ATXN8OS: variants seen among roughly 807,000 people sequenced by gnomAD.
ATXN8OS encodes ATXN8 opposite strand (non-protein coding).
At chr13:70,140,533 C>A (rs78463336) in intron 3 of ATXN8OS, among the ~76,000 whole-genome samples, 2,661 of 132,702 alleles carry the variant, frequency 0.02, 48 homozygotes, top group African/African-American at 0.042. Flanking sequence ...CACACACACA[C>A]AAAAAAAAAA....
intron 4 of ATXN8OS, among the ~76,000 whole-genome samples, chr13:70,151,759 A>T (rs904412113): frequency 6.6e-6 from 1 of 152,122 alleles, no homozygotes; most frequent in Non-Finnish European, 1.5e-5. Context: ...ATTTAACTTT[A>T]TATATGTTTT....
chr13:70,129,093 C>G (rs1470250211), intron 2 of ATXN8OS, among the ~76,000 whole-genome samples: 2 of 152,126 alleles, frequency 1.3e-5, no homozygotes, highest in Non-Finnish European at 2.9e-5. Context: ...CTCCTGACCT[C>G]AGACGATCCA....
rs147476089 is a variant in ATXN8OS, at chr13:70,159,001, A to C, written n.574-10752A>C. ...TTTACTTTGTAATTATTATGAATTT[A>C]CATGTATTTTATCATGTATATCATA... On this transcript the variant is annotated intron_variant and non_coding_transcript_variant, in intron 4 of 4. Transcript: ENST00000678624. 8.1e-3 allele frequency among the ~76,000 whole-genome samples: 1,233 copies of C among 152,288 alleles called. 15 individuals are homozygous for C. Among genetic ancestry groups the C allele is most frequent in the African/African-American group, 0.027 (1,112 of 41,564 alleles).
intron 2 of ATXN8OS, among the ~76,000 whole-genome samples, chr13:70,122,999 C>A (rs190418901): frequency 2.6e-4 from 40 of 151,978 alleles, no homozygotes; most frequent in African/African-American, 8.2e-4. Flanking sequence ...ACTTCACAAG[C>A]TTTTGTGGAA....
chr13:70,110,078 A>G (rs1053317457), intron 1 of ATXN8OS, among the ~76,000 whole-genome samples: 2 of 152,172 alleles, frequency 1.3e-5, no homozygotes, highest in Admixed American at 1.3e-4. Context: ...AATATTCCAC[A>G]GTTAAAAGTT....
In ATXN8OS at chr13:70,137,128, A is replaced by G. The variant is rs113831307; in HGVS notation, n.499+7244A>G. 4.1e-4 allele frequency among the ~76,000 whole-genome samples: 62 copies of G among 152,344 alleles called. 1 individual carries two copies. The highest frequency in any genetic ancestry group is 1.4e-3 in the African/African-American group (60 of 41,582). On this transcript the variant is annotated intron_variant and non_coding_transcript_variant, in intron 3 of 4. Transcript: ENST00000678624. The stretch of plus-strand genomic sequence containing the variant: ...TTAGAATATCCAGAACTTTTCTTAC[A>G]TAATAGCCTATAAACTTCAGTATAA...
intron 4 of ATXN8OS, among the ~76,000 whole-genome samples, chr13:70,159,901 T>A (rs1888983065): frequency 6.6e-6 from 1 of 152,232 alleles, no homozygotes; most frequent in African/African-American, 2.4e-5. Flanking sequence ...ATTGAATGTG[T>A]ATGTACAGTG....
intron 3 of ATXN8OS, among the ~76,000 whole-genome samples, chr13:70,134,051 T>C (rs1319974302): frequency 3.3e-5 from 5 of 152,200 alleles, no homozygotes; most frequent in Non-Finnish European, 7.3e-5. Flanking sequence ...TTTTATTTTT[T>C]ATTTTTTGTC....
chr13:70,108,900 G>A (rs892277806), intron 1 of ATXN8OS, among the ~76,000 whole-genome samples: 5 of 152,190 alleles, frequency 3.3e-5, no homozygotes, highest in Non-Finnish European at 7.3e-5. Context: ...TTGTGATTCT[G>A]CTATTAAGGC....
intron 4 of ATXN8OS, among the ~76,000 whole-genome samples, chr13:70,161,797 T>A (rs945272129): frequency 1.3e-5 from 2 of 151,776 alleles, no homozygotes; most frequent in Non-Finnish European, 2.9e-5. Context: ...GGATGTACAA[T>A]GCAAACAATG....
At chr13:70,119,368 T>C (rs550883195) in intron 2 of ATXN8OS, among the ~76,000 whole-genome samples, 7 of 152,106 alleles carry the variant, frequency 4.6e-5, no homozygotes, top group Non-Finnish European at 8.8e-5. Context: ...TTAATTTTCA[T>C]ATGCAACATA....
At chr13:70,139,392 G>GCTGCTA (rs1888671347) in intron 3 of ATXN8OS, 2 of 502,386 alleles carry the variant, frequency 4.0e-6, no homozygotes, top group South Asian at 6.1e-5. Flanking sequence ...TACTGCTGCT[G>GCTGCTA]CTGCTGCTGC....
intron 3 of ATXN8OS, among the ~76,000 whole-genome samples, chr13:70,130,122 T>C (rs572418206): frequency 1.1e-4 from 17 of 152,344 alleles, no homozygotes; most frequent in African/African-American, 4.1e-4. Context: ...CCAGATGCCA[T>C]CTTGTGATGA....
intron 1 of ATXN8OS, among the ~76,000 whole-genome samples, chr13:70,113,511 A>G (rs929542334): frequency 3.3e-5 from 5 of 152,110 alleles, no homozygotes; most frequent in African/African-American, 9.7e-5. Flanking sequence ...TTGCACTGAA[A>G]TTTGCCTGTA....
chr13:70,143,517 T>C (rs1398888873), intron 3 of ATXN8OS, among the ~76,000 whole-genome samples: 1 of 152,224 alleles, frequency 6.6e-6, no homozygotes, highest in African/African-American at 2.4e-5. Flanking sequence ...ATGATATATA[T>C]ACTTTCTGCA....
At chr13:70,118,649 T>G (rs2137473358) in intron 2 of ATXN8OS, among the ~76,000 whole-genome samples, 1 of 152,244 alleles carries the variant, frequency 6.6e-6, no homozygotes, top group East Asian at 1.9e-4. Flanking sequence ...CTAACTTTTC[T>G]ACACTTATGT....
At chr13:70,163,170 T>C (rs986211159) in intron 4 of ATXN8OS, among the ~76,000 whole-genome samples, 1 of 152,140 alleles carries the variant, frequency 6.6e-6, no homozygotes, top group African/African-American at 2.4e-5. Flanking sequence ...GTTATGTTTC[T>C]AAATAATGTT....
At chr13:70,171,441 A>G (rs1593781909) in exon 5 of ATXN8OS, among the ~76,000 whole-genome samples, 1 of 152,116 alleles carries the variant, frequency 6.6e-6, no homozygotes, top group East Asian at 1.9e-4. Flanking sequence ...TGAGTGGTGA[A>G]TGGATGTGAT....
At chr13:70,167,791 A>C (rs1889096129) in intron 4 of ATXN8OS, among the ~76,000 whole-genome samples, 1 of 119,542 alleles carries the variant, frequency 8.4e-6, no homozygotes, top group Non-Finnish European at 1.6e-5. Context: ...GCTGGAGTGC[A>C]GTGGCGCGAT....
Sources: gnomAD v4.1 joint callset for allele counts (sites outside exome capture counted in the v4.1 genomes callset) on GRCh38, gnomAD v4.1.1 for gene constraint, MANE v1.5 for transcripts, NCBI Gene and HGNC (gene_info 2026-07-23, HGNC 2026-07-21) for gene names.